Variants in RASGEF1C observed in about 807,000 individuals in gnomAD.
RASGEF1C encodes the protein ras-GEF domain-containing family member 1C.
Under a neutral mutation model 58.1 loss-of-function variants are expected in RASGEF1C, and 27 were observed. That is an observed-to-expected ratio of 0.46 (90% CI 0.34 to 0.64). The LOEUF (loss-of-function observed/expected upper bound fraction) is 0.64. Among genes scored for constraint, RASGEF1C ranks in the 30% least tolerant of loss-of-function variants. The pLI is 0.01. For synonymous variants in RASGEF1C, 243 were observed against 246.3 expected, an observed-to-expected ratio of 0.99 and a Z score of 0.13; for missense variants, 502 against 605.1, an observed-to-expected ratio of 0.83 and a Z score of 1.79.
At chr5:180,128,143 C>T (rs995906841) in intron 5 of RASGEF1C, among the ~76,000 whole-genome samples, 3 of 152,210 alleles carry the variant, frequency 2.0e-5, no homozygotes, top group Non-Finnish European at 2.9e-5. Flanking sequence ...CATGAGCGAG[C>T]GCACGGGAGC....
At chr5:180,165,636 A>T (rs1215580920) in intron 1 of RASGEF1C, among the ~76,000 whole-genome samples, 1 of 148,670 alleles carries the variant, frequency 6.7e-6, no homozygotes, top group East Asian at 2.0e-4. Context: ...GTGCCACAGC[A>T]CTCCAGCCTG....
intron 10 of RASGEF1C, chr5:180,115,391 C>T (rs1429368449): frequency 5.5e-6 from 2 of 366,248 alleles, no homozygotes; most frequent in African/African-American, 2.1e-5. Context: ...GCAATTCTTG[C>T]TCCACTGCCT....
At chr5:180,181,545 A>G (rs1204919881) in intron 1 of RASGEF1C, among the ~76,000 whole-genome samples, 3 of 152,220 alleles carry the variant, frequency 2.0e-5, no homozygotes, top group Non-Finnish European at 4.4e-5. Context: ...GTGGGCACAC[A>G]GGAAGAGCAC....
chr5:180,102,003 G>A (rs77347492), intron 13 of RASGEF1C, 68 bp downstream of exon 13: 494 of 790,404 alleles, frequency 6.2e-4, no homozygotes, highest in Non-Finnish European at 8.9e-4. Flanking sequence ...CCACCTCGGC[G>A]CGAAGACTCA....
intron 1 of RASGEF1C, among the ~76,000 whole-genome samples, chr5:180,146,463 TTTA>T (rs1316587678): frequency 1.3e-5 from 2 of 152,164 alleles, no homozygotes; most frequent in Non-Finnish European, 2.9e-5. Context: ...ATATGTGACT[TTTA>T]TTATGTTGAG....
At chr5:180,124,551 G>A (rs534866638) in intron 6 of RASGEF1C, among the ~76,000 whole-genome samples, 99 of 152,306 alleles carry the variant, frequency 6.5e-4, no homozygotes, top group Admixed American at 2.4e-3. Flanking sequence ...ACAGCCTGGC[G>A]CAGTGGCTCA....
At chr5:180,154,932 G>A (rs1474359172) in intron 1 of RASGEF1C, among the ~76,000 whole-genome samples, 3 of 152,140 alleles carry the variant, frequency 2.0e-5, no homozygotes, top group Admixed American at 1.3e-4. Flanking sequence ...ACCTTTGAGG[G>A]GGAATTGGTA....
chr5:180,127,710 A>T, intron 5 of RASGEF1C, 27 bp from the exon 6 acceptor site: 1 of 1,606,602 alleles, frequency 6.2e-7, no homozygotes. Context: ...AGAGTGGGTA[A>T]AAGAGGGAAG....
Position 180,149,709 on chromosome 5 carries a change from C to T in RASGEF1C, c.-6-11651G>A, listed in dbSNP as rs536271028. On this transcript the variant is annotated intron_variant, in intron 1 of 13. Coordinates refer to ENST00000361132, the MANE Select transcript of RASGEF1C (RefSeq NM_175062.4). ...GACCTCTCGATCCACCCGCCTCGGC[C>T]TCCCAAAGTGCTGGGATTACAGGCG... Among the ~76,000 whole-genome samples, 4 of 152,340 alleles carry T rather than the reference C, an allele frequency of 2.6e-5. No individual in the cohort carries two copies. In the East Asian group the frequency reaches 7.7e-4, roughly 29 times the overall value.
rs1766131658 is a variant in RASGEF1C, at chr5:180,119,512, T to C, written c.805-64A>G. 5 of 1,250,262 alleles carry C rather than the reference T, an allele frequency of 4.0e-6. No homozygotes were observed. In the Admixed American group the frequency reaches 7.2e-5, roughly 18 times the overall value. The allele number at this position is 1,250,262 out of a possible 1,614,324, so 77.4% of individuals were successfully genotyped here. A position where few individuals can be genotyped will look rare whatever the true frequency, so the allele number is the denominator to read the frequency against. On this transcript the variant is annotated intron_variant, in intron 7 of 13. Transcript: ENST00000361132. ...TCCACCCTGCCCTGATCAGGCCCGC[T>C]CCCCTCACCTGGCCCGCTTCACCTT... is the stretch of plus-strand genomic sequence containing the variant.
intron 4 of RASGEF1C, 32 bp downstream of exon 4, chr5:180,136,346 C>T (rs1489280999): frequency 7.8e-6 from 12 of 1,541,806 alleles, no homozygotes; most frequent in Non-Finnish European, 1.1e-5. Context: ...GGGAGGGACC[C>T]AGGGTGACGC....
Position 180,137,601 on chromosome 5 carries a change from C to T in RASGEF1C, c.289G>A (p.Val97Met). ...CIEQQQLDKP[V>M]LDKARVRKFG... ...GCCCTCCGCCTCACCTTGTCCAGCACCGGCTTGTCCAGCTGCTGCTGCTCG... is the reference window on the plus strand; with the variant it reads ...GCCCTCCGCCTCACCTTGTCCAGCATCGGCTTGTCCAGCTGCTGCTGCTCG... The change falls in exon 3 of 14, where the codon GTG becomes ATG. Residue 97 changes from valine (V) to methionine (M), a missense_variant. Coordinates refer to ENST00000361132, the MANE Select transcript of RASGEF1C (RefSeq NM_175062.4). The surrounding 1 kb of genome is among the most constrained non-coding windows in gnomAD (Gnocchi z 4.1). The T allele has an allele frequency of 1.2e-6, 2 of 1,604,484 alleles. No homozygotes were observed. The highest frequency in any genetic ancestry group is 1.7e-6 in the Non-Finnish European group (2 of 1,177,362).
At chr5:180,116,703 T>C (rs10041337) in intron 10 of RASGEF1C, among the ~76,000 whole-genome samples, 56,238 of 152,164 alleles carry the variant, frequency 0.37, 10,630 homozygotes, top group African/African-American at 0.43. Flanking sequence ...ATGAAGGAAG[T>C]AGTGCGGAGC....
chr5:180,115,843 C>T (rs957115490), intron 10 of RASGEF1C, among the ~76,000 whole-genome samples: 2 of 152,024 alleles, frequency 1.3e-5, no homozygotes, highest in Non-Finnish European at 2.9e-5. Flanking sequence ...CCTACCTCTT[C>T]CTCACTGTGC....
chr5:180,159,075 T>C (rs1766896044), intron 1 of RASGEF1C, among the ~76,000 whole-genome samples: 1 of 152,074 alleles, frequency 6.6e-6, no homozygotes, highest in African/African-American at 2.4e-5. Context: ...GTTCTTTTTT[T>C]CAGAGATGTA....
intron 1 of RASGEF1C, among the ~76,000 whole-genome samples, chr5:180,179,041 G>T (rs1767277834): frequency 6.6e-6 from 1 of 152,152 alleles, no homozygotes; most frequent in Non-Finnish European, 1.5e-5. Context: ...TTATGACCAT[G>T]GGATAGTCCT....
At chr5:180,114,279 T>A (rs1454278309) in intron 11 of RASGEF1C, among the ~76,000 whole-genome samples, 167 bp downstream of exon 11, 2 of 152,146 alleles carry the variant, frequency 1.3e-5, no homozygotes, top group Non-Finnish European at 2.9e-5. Flanking sequence ...TCCACTGCAG[T>A]GGATGTCAGG....
At chr5:180,186,101 GAAAA>G (rs35778456) in intron 1 of RASGEF1C, among the ~76,000 whole-genome samples, 23 of 81,140 alleles carry the variant, frequency 2.8e-4, no homozygotes, top group African/African-American at 9.6e-4. Flanking sequence ...TATCTCCACA[GAAAA>G]AAAAAAAAAA....
chr5:180,189,923 C>CA (rs71001085), intron 1 of RASGEF1C, among the ~76,000 whole-genome samples: 4,408 of 37,118 alleles, frequency 0.12, 531 homozygotes, highest in East Asian at 0.23. Context: ...AACTCCATCT[C>CA]AAAAAAAAAA....
Sources: gnomAD v4.1 joint callset for allele counts (sites outside exome capture counted in the v4.1 genomes callset) on GRCh38, gnomAD v4.1.1 for gene constraint, Gnocchi (gnomAD v3.1) non-coding constraint, MANE v1.5 for transcripts, NCBI Gene and HGNC (gene_info 2026-07-23, HGNC 2026-07-21) for gene names.